Variants in ZNF155 observed in about 807,000 individuals in gnomAD.
The protein encoded by ZNF155 is zinc finger protein 155, also known as KRAB A domain.
In ZNF155, 15 loss-of-function variants were observed where a neutral mutation model predicts 11.9. The ratio of observed to expected loss-of-function variants is 1.26; its 90% confidence interval spans 0.84 to 1.94. The LOEUF (loss-of-function observed/expected upper bound fraction) is 1.94. Among genes scored for constraint, ZNF155 ranks in the 30% most tolerant of loss-of-function variants. ZNF155 has a pLI of 0.00. For synonymous variants in ZNF155, 212 were observed against 219.9 expected (o/e 0.96, Z 0.32); for missense variants, 602 against 639.1 (o/e 0.94, Z 0.63).
In ZNF155 at chr19:43,997,165, C is replaced by T. The variant is rs1223470814; in HGVS notation, c.1308C>T (p.Gly436=). The T allele has an allele frequency of 6.2e-7, 1 of 1,614,040 alleles. No individual in the cohort carries two copies. Among genetic ancestry groups the T allele is most frequent in the Non-Finnish European group, 8.5e-7 (1 of 1,180,034 alleles). ...ATAAATGTGAGGAGTGTGGGAAGGGCTATGTTACTAAGTTTAATCTTGACT... is the reference window on the plus strand; with the variant it reads ...ATAAATGTGAGGAGTGTGGGAAGGGTTATGTTACTAAGTTTAATCTTGACT... ...KPYKCEECGK[G]YVTKFNLDLH... Residue 436 remains glycine (G), a synonymous_variant, in exon 5 of 5, where the codon GGC becomes GGT. Transcript: ENST00000270014.
chr19:43,997,251 T>C lies in ZNF155; in HGVS notation c.1394T>C (p.Phe465Ser). 1.2e-6 allele frequency: 2 copies of C among 1,614,114 alleles called. No homozygotes were observed. The highest frequency in any genetic ancestry group is 1.7e-6 in the Non-Finnish European group (2 of 1,180,016). Residue 465 changes from phenylalanine to serine, a missense_variant, in exon 5 of 5, where the codon TTT becomes TCT. By Grantham distance (155) the Phe-to-Ser change is radical. Transcript: ENST00000270014. ...AATTGTAAGGAATGTGGGAAGAACT[T>C]TAGCCGGGCCTCAAGTATTTTGAAT... ...PYNCKECGKNFSRASSILNHK... is the reference protein window; with the variant it reads ...PYNCKECGKNSSRASSILNHK...
intron 4 of ZNF155, among the ~76,000 whole-genome samples, chr19:43,993,439 C>G (rs114798065): frequency 0.033 from 4,978 of 152,174 alleles, 253 homozygotes; most frequent in African/African-American, 0.1. Flanking sequence ...TTTTGAGATG[C>G]AGTTTCGCTC....
chr19:43,988,990 T>G (rs393195), intron 2 of ZNF155: 56,123 of 153,742 alleles, frequency 0.37, 10,998 homozygotes, highest in East Asian at 0.55. Context: ...TTTTTATTTA[T>G]AACTACCTCA....
intron 4 of ZNF155, among the ~76,000 whole-genome samples, chr19:43,995,128 CAG>C (rs1481317394): frequency 6.7e-6 from 1 of 149,268 alleles, no homozygotes; most frequent in Admixed American, 6.7e-5. Flanking sequence ...TTTTTTGAGG[CAG>C]AGTCTCGCTC....
intron 1 of ZNF155, among the ~76,000 whole-genome samples, chr19:43,987,831 A>G (rs1031490153): frequency 2.0e-5 from 3 of 152,092 alleles, no homozygotes; most frequent in African/African-American, 7.2e-5. Context: ...TATTTTTCCC[A>G]ATTCTATTGA....
intron 4 of ZNF155, among the ~76,000 whole-genome samples, chr19:43,995,526 A>G (rs1252998691): frequency 6.6e-6 from 1 of 151,314 alleles, no homozygotes; most frequent in Non-Finnish European, 1.5e-5. Context: ...CTGGGACTAC[A>G]GAGTGCACGA....
chr19:43,985,164 C>G (rs187463468), intron 1 of ZNF155, among the ~76,000 whole-genome samples: 1 of 151,956 alleles, frequency 6.6e-6, no homozygotes, highest in African/African-American at 2.4e-5. Flanking sequence ...TGGGTTCAAG[C>G]GATTCTCTGT....
intron 1 of ZNF155, among the ~76,000 whole-genome samples, chr19:43,986,060 G>A (rs1322376417): frequency 6.6e-6 from 1 of 152,194 alleles, no homozygotes; most frequent in Non-Finnish European, 1.5e-5. Flanking sequence ...CATAGACTTG[G>A]ACTTCTGTAG....
chr19:43,992,034 T>C (rs1465548962), intron 4 of ZNF155, 100 bp downstream of exon 4: 9 of 1,078,360 alleles, frequency 8.3e-6, no homozygotes, highest in Non-Finnish European at 1.2e-5. Flanking sequence ...TGACCACATC[T>C]CCTTCCTGGA....
At chr19:43,990,757 G>T (rs867065447) in intron 2 of ZNF155, among the ~76,000 whole-genome samples, 1 of 152,144 alleles carries the variant, frequency 6.6e-6, no homozygotes, top group African/African-American at 2.4e-5. Context: ...GACAGAACAC[G>T]ATCTCACTCA....
Position 43,997,198 on chromosome 19 carries a change from G to A in ZNF155, c.1341G>A (p.Gln447=), listed in dbSNP as rs1158186875. 1.2e-6 allele frequency: 2 copies of A among 1,614,078 alleles called. No homozygotes were observed. Among genetic ancestry groups the A allele is most frequent in the African/African-American group, 2.7e-5 (2 of 74,932 alleles). ...YVTKFNLDLH[Q]RVHTGERPYN... is the part of the protein sequence containing the mutation. The stretch of plus-strand genomic sequence containing the variant: ...CTAAGTTTAATCTTGACTTGCACCA[G>A]AGGGTCCACACGGGAGAGAGACCTT... The change falls in exon 5 of 5, where the codon CAG becomes CAA. Residue 447 remains glutamine, a synonymous_variant. Coordinates refer to ENST00000270014, the MANE Select transcript of ZNF155 (RefSeq NM_198089.3).
intron 1 of ZNF155, among the ~76,000 whole-genome samples, chr19:43,985,206 A>G (rs1975393909): frequency 1.3e-5 from 2 of 151,624 alleles, no homozygotes; most frequent in Non-Finnish European, 2.9e-5. Flanking sequence ...GATTACAGGC[A>G]TGCGTCACCA....
intron 2 of ZNF155, 172 bp downstream of exon 2, chr19:43,988,730 G>A: frequency 1.8e-6 from 1 of 561,868 alleles, no homozygotes; most frequent in Non-Finnish European, 2.8e-6. Context: ...TTTTGGTTTT[G>A]CTTTGTTTTG....
chr19:43,990,114 T>G, intron 2 of ZNF155: 1 of 1,512,846 alleles, frequency 6.6e-7, no homozygotes, highest in Non-Finnish European at 8.8e-7. Flanking sequence ...ATTATGGAGG[T>G]AGGTAAAAAA....
chr19:43,997,516 G>A lies in ZNF155; in HGVS notation c.*42G>A. ...GGTACAACGTGCTATTTTAATGTGT[G>A]CATACAATTTATAGTGATCCAATCA... On this transcript the variant is annotated 3_prime_UTR_variant, in exon 5 of 5. Coordinates refer to ENST00000270014, the MANE Select transcript of ZNF155 (RefSeq NM_198089.3). 6.9e-7 allele frequency: 1 copy of A among 1,455,274 alleles called. No homozygotes were observed. The highest frequency in any genetic ancestry group is 2.3e-5 in the East Asian group (1 of 43,400). The allele number at this position is 1,455,274 out of a possible 1,614,324, so 90.1% of individuals were successfully genotyped here.
chr19:43,995,761 A>G lies in ZNF155; in HGVS notation c.236-332A>G, dbSNP rs913081529. 3.3e-5 allele frequency among the ~76,000 whole-genome samples: 5 copies of G among 152,280 alleles called. No individual in the cohort carries two copies. In the East Asian group the frequency reaches 9.6e-4, roughly 29 times the overall value. On this transcript the variant is annotated intron_variant, in intron 4 of 4. Coordinates refer to ENST00000270014, the MANE Select transcript of ZNF155 (RefSeq NM_198089.3). Reference sequence around the variant, plus strand: ...TTGCTTTTCCTTAAAGTTCCTTTTGATTCATATTTCATTATGTACATAAAT... The same window carrying G: ...TTGCTTTTCCTTAAAGTTCCTTTTGGTTCATATTTCATTATGTACATAAAT...
intron 4 of ZNF155, among the ~76,000 whole-genome samples, chr19:43,995,680 C>T (rs1302479470): frequency 6.6e-6 from 1 of 152,120 alleles, no homozygotes; most frequent in Non-Finnish European, 1.5e-5. Context: ...CCTAGTTTAA[C>T]TTCTTTATAA....
At chr19:43,989,488 A>G (rs1233195906) in intron 2 of ZNF155, among the ~76,000 whole-genome samples, 1 of 152,218 alleles carries the variant, frequency 6.6e-6, no homozygotes, top group Non-Finnish European at 1.5e-5. Flanking sequence ...AGGTGTACAC[A>G]GGCAACCAAA....
Position 43,996,726 on chromosome 19 carries a change from G to A in ZNF155, c.869G>A (p.Cys290Tyr). The A allele has an allele frequency of 6.2e-7, 1 of 1,614,150 alleles. No individual in the cohort carries two copies. The highest frequency in any genetic ancestry group is 1.1e-5 in the South Asian group (1 of 91,090). ...RIHTGEKPFK[C>Y]DICGKTFYFR... ...CATACTGGGGAGAAACCATTCAAAT[G>A]TGATATATGTGGTAAGACCTTCTAT... The change falls in exon 5 of 5, where the codon TGT becomes TAT. Residue 290 changes from cysteine to tyrosine, a missense_variant. By Grantham distance (194) the Cys-to-Tyr change is radical (BLOSUM62 -2). Coordinates refer to ENST00000270014, the MANE Select transcript of ZNF155 (RefSeq NM_198089.3).
Sources: allele counts gnomAD v4.1 joint callset (sites outside exome capture counted in the v4.1 genomes callset), GRCh38; gene constraint gnomAD v4.1.1; transcripts MANE v1.5; gene names NCBI Gene and HGNC (gene_info 2026-07-23, HGNC 2026-07-21).